Variants in PSD3 observed in about 807,000 individuals in gnomAD.
The protein encoded by PSD3 is pleckstrin and Sec7 domain containing 3.
Under a neutral mutation model 105.5 loss-of-function variants are expected in PSD3, and 49 were observed. The ratio of observed to expected loss-of-function variants is 0.46; its 90% CI spans 0.37 to 0.59. The LOEUF (loss-of-function observed/expected upper bound fraction) is 0.59, where lower values mean the gene tolerates loss of function less well. Among genes scored for constraint, PSD3 ranks in the 20% least tolerant of loss-of-function variants. The pLI is 0.00. For synonymous variants in PSD3, 557 were observed against 457.8 expected, an observed-to-expected ratio of 1.22 and a Z score of -2.77; for missense variants, 1,561 against 1,263.8, an observed-to-expected ratio of 1.24 and a Z score of -3.57.
chr8:19,083,550 T>A (rs777514220), intron 1 of PSD3, among the ~76,000 whole-genome samples: 1 of 152,140 alleles, frequency 6.6e-6, no homozygotes, highest in Non-Finnish European at 1.5e-5. Context: ...GGTGGTGGTC[T>A]AGGTGTGTTG....
intron 8 of PSD3, among the ~76,000 whole-genome samples, chr8:18,777,309 G>T (rs1168042578): frequency 6.6e-6 from 1 of 152,136 alleles, no homozygotes; most frequent in African/African-American, 2.4e-5. Context: ...CCAAAGTGCT[G>T]GGATTACAAG....
intron 1 of PSD3, among the ~76,000 whole-genome samples, chr8:19,082,339 G>A (rs991449555): frequency 8.5e-5 from 13 of 152,236 alleles, no homozygotes; most frequent in African/African-American, 3.1e-4. Flanking sequence ...CACTGATTTG[G>A]CTTCTCCTCT....
chr8:18,915,040 A>C (rs568551114), intron 2 of PSD3, among the ~76,000 whole-genome samples: 6 of 152,334 alleles, frequency 3.9e-5, no homozygotes, highest in African/African-American at 1.4e-4. Flanking sequence ...CCATAAATAA[A>C]GCCTTACTTT....
intron 9 of PSD3, among the ~76,000 whole-genome samples, chr8:18,697,255 G>A (rs78118148): frequency 6.6e-6 from 1 of 152,098 alleles, no homozygotes; most frequent in Non-Finnish European, 1.5e-5. Context: ...GGTGAGTGGC[G>A]ACAATACTGG....
intron 4 of PSD3, among the ~76,000 whole-genome samples, chr8:18,807,294 C>G (rs570440262): frequency 6.6e-6 from 1 of 152,196 alleles, no homozygotes; most frequent in Non-Finnish European, 1.5e-5. Context: ...TAACAAGTAG[C>G]TGCAAAGTCT....
At chr8:18,950,032 T>A (rs1367412524) in intron 1 of PSD3, among the ~76,000 whole-genome samples, 2 of 152,168 alleles carry the variant, frequency 1.3e-5, no homozygotes, top group African/African-American at 2.4e-5. Flanking sequence ...AATTCTTACA[T>A]CCCAGCTTCA....
At chr8:19,015,800 G>A (rs572325152), upstream of PSD3, among the ~76,000 whole-genome samples, 3 of 152,308 alleles carry the variant, frequency 2.0e-5, no homozygotes, top group Admixed American at 2.0e-4. Flanking sequence ...TATAGTGAAT[G>A]TTCAATAGAG....
At chr8:19,007,005 A>G (rs1194121679) in intron 1 of PSD3, among the ~76,000 whole-genome samples, 1 of 152,052 alleles carries the variant, frequency 6.6e-6, no homozygotes, top group Non-Finnish European at 1.5e-5. Context: ...CTGTAATCCC[A>G]GCAATTTGGG....
chr8:18,792,746 A>G (rs1809840093), intron 8 of PSD3, among the ~76,000 whole-genome samples: 1 of 152,218 alleles, frequency 6.6e-6, no homozygotes, highest in Admixed American at 6.5e-5. Context: ...AACTAGTTCA[A>G]CCATTGTGGA....
chr8:19,058,669 T>C (rs1200748716), intron 1 of PSD3, among the ~76,000 whole-genome samples: 2 of 152,048 alleles, frequency 1.3e-5, no homozygotes, highest in African/African-American at 4.8e-5. Context: ...CTAAATTGGG[T>C]GATTAAGCAC....
At position 19,049,690 on chromosome 8, in the gene PSD3, CAAAAAAAAAAAAAAA is replaced by C. The variant is rs10584051; in HGVS notation, c.324+34501_324+34515del. ...TGGGTGACAGACTAAGACCCTGTCT[CAAAAAAAAAAAAAAA>C]AAAAAAAAAAAGACAATAGTGAAGA... On this transcript the variant is annotated intron_variant, in intron 1 of 1. Transcript: ENST00000521475. Among the ~76,000 whole-genome samples the C allele has an allele frequency of 3.1e-5, 2 of 64,364 alleles. 1 individual carries two copies. Among genetic ancestry groups the C allele is most frequent in the African/African-American group, 1.0e-4 (2 of 19,738 alleles). 42.2% of individuals were successfully genotyped at this position (64,364 alleles called of 152,430 possible).
intron 1 of PSD3, among the ~76,000 whole-genome samples, chr8:19,039,147 G>A (rs926093190): frequency 3.9e-5 from 6 of 152,042 alleles, no homozygotes; most frequent in East Asian, 1.9e-4. Context: ...CCTTGGCTTT[G>A]TGAGACCATG....
chr8:18,688,317 A>G (rs1380240927), intron 9 of PSD3, among the ~76,000 whole-genome samples: 1 of 151,870 alleles, frequency 6.6e-6, no homozygotes, highest in Admixed American at 6.6e-5. Flanking sequence ...GGCTAGTCTC[A>G]AACTCCTGGT....
chr8:18,989,802 T>C (rs1255031235), intron 1 of PSD3, among the ~76,000 whole-genome samples: 2 of 152,184 alleles, frequency 1.3e-5, no homozygotes, highest in African/African-American at 4.8e-5. Flanking sequence ...CCCAACCAAG[T>C]GGCTATTCTA....
chr8:18,993,820 G>A (rs1825927596), intron 1 of PSD3, among the ~76,000 whole-genome samples: 1 of 151,702 alleles, frequency 6.6e-6, no homozygotes, highest in African/African-American at 2.4e-5. Context: ...TTTATTTAAG[G>A]AGTTAATTTA....
Position 19,002,316 on chromosome 8 carries a change from A to G in PSD3, c.21+11247T>C, listed in dbSNP as rs541470942. Among the ~76,000 whole-genome samples the G allele has an allele frequency of 3.9e-5, 6 of 152,128 alleles. No homozygotes were observed. The South Asian group carries it at 1.3e-3, about 32-fold the overall frequency. On this transcript the variant is annotated intron_variant, in intron 1 of 15. Coordinates refer to ENST00000327040, the MANE Select transcript of PSD3 (RefSeq NM_015310.4). ...CTTCCTTGTGAGTTGCTGGTGTTCT[A>G]GGGTGTGTAACTTTCTGGTCTTACT...
At chr8:18,587,282 G>A (rs750732660) in intron 12 of PSD3, among the ~76,000 whole-genome samples, 13 of 152,114 alleles carry the variant, frequency 8.5e-5, no homozygotes, top group Non-Finnish European at 2.9e-5. Context: ...CTGAGTATAG[G>A]TGGCAGCGGC....
intron 11 of PSD3, among the ~76,000 whole-genome samples, chr8:18,631,134 T>C (rs537455046): frequency 1.3e-5 from 2 of 151,996 alleles, no homozygotes; most frequent in African/African-American, 2.4e-5. Context: ...GAAGCTGCAG[T>C]TGGGCAGGCA....
chr8:18,848,162 C>T (rs575594236), intron 4 of PSD3, among the ~76,000 whole-genome samples: 3 of 152,228 alleles, frequency 2.0e-5, no homozygotes, highest in Admixed American at 1.3e-4. Context: ...CCTGTTACTT[C>T]CTTTACAGTG....
Sources: gnomAD v4.1 joint callset for allele counts (sites outside exome capture counted in the v4.1 genomes callset) on GRCh38, gnomAD v4.1.1 for gene constraint, MANE v1.5 for transcripts, NCBI Gene and HGNC (gene_info 2026-07-23, HGNC 2026-07-21) for gene names.